UGT3A1: variants seen among roughly 807,000 people sequenced by gnomAD.
UGT3A1 encodes the protein UDP glycosyltransferase family 3 member A1.
In UGT3A1, 40 loss-of-function variants were observed where a neutral mutation model predicts 37.6. The observed-to-expected ratio is 1.06, with a 90% CI of 0.83 to 1.38. UGT3A1 has a LOEUF of 1.38. Among genes scored for constraint, UGT3A1 ranks in the 40% most tolerant of loss-of-function variants. The pLI, the probability that UGT3A1 is intolerant of heterozygous loss-of-function variation, is 0.00. For synonymous variants in UGT3A1, 256 were observed against 232.3 expected (o/e 1.10, Z -0.93); for missense variants, 642 against 634.2 (o/e 1.01, Z -0.13).
chr5:35,956,411 T>C (rs1426743825), intron 5 of UGT3A1, among the ~76,000 whole-genome samples: 1 of 152,236 alleles, frequency 6.6e-6, no homozygotes, highest in Non-Finnish European at 1.5e-5. Context: ...CTTGTGTTCC[T>C]TTGAAAATGA....
chr5:35,956,438 C>A (rs946482298), intron 5 of UGT3A1, among the ~76,000 whole-genome samples: 5 of 152,140 alleles, frequency 3.3e-5, no homozygotes, highest in East Asian at 3.9e-4. Context: ...TTTTCCTTGT[C>A]CCATGTCTTA....
Position 35,965,453 on chromosome 5 carries a change from C to A in UGT3A1, c.776G>T (p.Arg259Leu). ...ATAAACAGTGTTGGGAAGCAGGGGC[C>A]GGGCAAAATCAAAGGCAAAATCAGA... ...VNSDFAFDFA[R>L]PLLPNTVYIG... is the part of the protein sequence containing the mutation. Residue 259 changes from arginine to leucine, a missense_variant, in exon 4 of 7, where the codon CGG becomes CTG. Arg to Leu is a moderately radical substitution (Grantham distance 102). Transcript: ENST00000274278. 1 of 1,614,112 alleles carries A rather than the reference C, an allele frequency of 6.2e-7. No individual in the cohort carries two copies. The highest frequency in any genetic ancestry group is 1.1e-5 in the South Asian group (1 of 91,082).
upstream of UGT3A1, among the ~76,000 whole-genome samples, chr5:35,996,060 G>T (rs936486232): frequency 1.3e-5 from 2 of 149,546 alleles, no homozygotes; most frequent in Non-Finnish European, 3.0e-5. Context: ...AGATTGCCCA[G>T]GTTATGCATT....
chr5:35,989,290 G>C (rs1740846301), intron 1 of UGT3A1, among the ~76,000 whole-genome samples: 1 of 152,202 alleles, frequency 6.6e-6, no homozygotes, highest in Admixed American at 6.5e-5. Flanking sequence ...GCTAAGGAAA[G>C]AGAAGCTTGG....
At chr5:35,985,675 C>T (rs1052545490) in intron 2 of UGT3A1, among the ~76,000 whole-genome samples, 9 of 152,268 alleles carry the variant, frequency 5.9e-5, no homozygotes, top group African/African-American at 2.2e-4. Flanking sequence ...CAAAACCAAG[C>T]CACTGTCTCT....
intron 3 of UGT3A1, among the ~76,000 whole-genome samples, chr5:35,967,454 C>T (rs1203798661): frequency 2.0e-5 from 3 of 152,150 alleles, no homozygotes; most frequent in Admixed American, 6.5e-5. Flanking sequence ...AAGTCTCAGG[C>T]TCATCTCTCA....
intron 1 of UGT3A1, among the ~76,000 whole-genome samples, chr5:35,998,296 C>G (rs555358802): frequency 9.8e-5 from 15 of 152,326 alleles, no homozygotes; most frequent in African/African-American, 3.4e-4. Context: ...GCAATTGTAG[C>G]CAACAGCTGG....
At position 35,975,300 on chromosome 5, in the gene UGT3A1, A is replaced by C. The variant is rs139058706; in HGVS notation, c.197-7167T>G. Among the ~76,000 whole-genome samples, 3 of 152,376 alleles carry C rather than the reference A, an allele frequency of 2.0e-5. No homozygotes were observed. The East Asian group carries it at 5.8e-4, about 29-fold the overall frequency. ...AGTACTCAGTCAGCCAGTGACAGAG[A>C]ACAACATTGATTGCCTGATTAGCAT... On this transcript the variant is annotated intron_variant, in intron 2 of 6. Transcript: ENST00000274278.
chr5:35,963,395 A>G (rs1176594521), intron 4 of UGT3A1, among the ~76,000 whole-genome samples: 1 of 152,166 alleles, frequency 6.6e-6, no homozygotes, highest in Non-Finnish European at 1.5e-5. Flanking sequence ...AACGGATTTC[A>G]GGGGCTGCAT....
chr5:35,973,094 C>G (rs1198238923), intron 2 of UGT3A1, among the ~76,000 whole-genome samples: 1 of 152,184 alleles, frequency 6.6e-6, no homozygotes, highest in Non-Finnish European at 1.5e-5. Flanking sequence ...GGCTATTGAA[C>G]CCCTAACTTC....
At chr5:35,973,394 G>T (rs1171935568) in intron 2 of UGT3A1, among the ~76,000 whole-genome samples, 1 of 152,152 alleles carries the variant, frequency 6.6e-6, no homozygotes, top group Non-Finnish European at 1.5e-5. Context: ...TGTAAAGTTT[G>T]ATTAGATTGA....
chr5:35,967,224 C>T (rs1739843994), intron 3 of UGT3A1, among the ~76,000 whole-genome samples: 1 of 152,110 alleles, frequency 6.6e-6, no homozygotes, highest in Non-Finnish European at 1.5e-5. Flanking sequence ...GTGCTATATG[C>T]CAGACCTATG....
At chr5:35,955,545 A>T in intron 6 of UGT3A1, 100 bp downstream of exon 6, 1 of 1,346,182 alleles carries the variant, frequency 7.4e-7, no homozygotes, top group Non-Finnish European at 1.0e-6. Context: ...TCCATGTCAC[A>T]GAAGTTTCAG....
chr5:35,965,517 AC>A lies in UGT3A1; in HGVS notation c.711del (p.Leu237PhefsTer6), dbSNP rs1442687846. ...EHFPEGSRPVLSHLLLKAELW... is the reference protein window; with the variant it reads ...EHFPEGSRPVXSHLLLKAELW... ...AACTCTGCTTTCAGTAGAAGATGAG[AC>A]AAAACTGGCCTAGAGCCTTCTGGGA... is the stretch of plus-strand genomic sequence containing the variant. On this transcript the variant is annotated frameshift_variant, in exon 4 of 7. Coordinates refer to ENST00000274278, the MANE Select transcript of UGT3A1 (RefSeq NM_152404.4). LOFTEE classifies it high-confidence loss of function. 2 of 1,614,244 alleles carry A rather than the reference AC, an allele frequency of 1.2e-6. No individual in the cohort carries two copies. The highest frequency in any genetic ancestry group is 1.7e-6 in the Non-Finnish European group (2 of 1,180,032).
At chr5:35,984,472 A>ATTTT (rs35556767) in intron 2 of UGT3A1, among the ~76,000 whole-genome samples, 21 of 135,484 alleles carry the variant, frequency 1.5e-4, no homozygotes, top group East Asian at 8.7e-4. Flanking sequence ...ATCTCACAGA[A>ATTTT]TTTTTTTTTT....
chr5:35,977,042 A>C (rs762846326), intron 2 of UGT3A1, among the ~76,000 whole-genome samples: 6 of 150,218 alleles, frequency 4.0e-5, no homozygotes, highest in African/African-American at 7.4e-5. Flanking sequence ...GAAAGAGAGA[A>C]AGGGAGAAAG....
At position 35,959,935 on chromosome 5, in the gene UGT3A1, G is replaced by A. The variant is rs562563933; in HGVS notation, c.844-2516C>T. ...ATGAACAAATCAAAAAAGAAATTAG[G>A]AAAACAATTTCAACAATAATATCAG... On this transcript the variant is annotated intron_variant, in intron 4 of 6. Coordinates refer to ENST00000274278, the MANE Select transcript of UGT3A1 (RefSeq NM_152404.4). Among the ~76,000 whole-genome samples, 39 of 75,182 alleles carry A rather than the reference G, an allele frequency of 5.2e-4. 1 individual carries two copies. The East Asian group carries it at 0.02, about 38-fold the overall frequency. 49.3% of individuals were successfully genotyped at this position (75,182 alleles called of 152,430 possible). A position where few individuals can be genotyped will look rare whatever the true frequency, so the allele number is the denominator to read the frequency against.
intron 5 of UGT3A1, 121 bp from the exon 6 acceptor site, chr5:35,955,985 C>A: frequency 9.8e-7 from 1 of 1,023,722 alleles, no homozygotes; most frequent in Non-Finnish European, 1.4e-6. Flanking sequence ...AATGAATTCA[C>A]TGATTTTGCT....
At chr5:35,957,710 C>T (rs889701507) in intron 4 of UGT3A1, among the ~76,000 whole-genome samples, 2 of 152,180 alleles carry the variant, frequency 1.3e-5, no homozygotes, top group Non-Finnish European at 2.9e-5. Flanking sequence ...ATGTCTAGCT[C>T]ATCCTATTGG....
Sources: allele counts gnomAD v4.1 joint callset (sites outside exome capture counted in the v4.1 genomes callset), GRCh38; gene constraint gnomAD v4.1.1; transcripts MANE v1.5; gene names NCBI Gene and HGNC (gene_info 2026-07-23, HGNC 2026-07-21).